ZNF287: variants seen among roughly 807,000 people sequenced by gnomAD.
ZNF287 encodes the protein zinc finger protein 287.
ZNF287 carries 31 observed loss-of-function variants against 73.7 expected under a neutral mutation model. The ratio of observed to expected loss-of-function variants is 0.42; its 90% CI spans 0.32 to 0.57. The LOEUF (loss-of-function observed/expected upper bound fraction) is 0.57. ZNF287 is among the 20% of genes least tolerant of loss of function. The pLI is 0.13. For missense variants in ZNF287, 641 were observed against 909.3 expected (o/e 0.70, Z 3.79); for synonymous variants, 301 against 307.2 (o/e 0.98, Z 0.21).
intron 5 of ZNF287, among the ~76,000 whole-genome samples, chr17:16,561,163 A>G (rs180713488): frequency 6.6e-6 from 1 of 152,028 alleles, no homozygotes; most frequent in African/African-American, 2.4e-5. Context: ...AAAATACAAA[A>G]ACTAGCCGGG....
At chr17:16,559,922 TAATA>T in intron 5 of ZNF287, among the ~76,000 whole-genome samples, 1 of 152,284 alleles carries the variant, frequency 6.6e-6, no homozygotes, top group East Asian at 1.9e-4. Flanking sequence ...AATGGACTGA[TAATA>T]AATACATACA....
rs1265807657 is a variant in ZNF287 at position 16,550,840 on chromosome 17, C to T, written c.*1016G>A. Among the ~76,000 whole-genome samples, 1 of 152,184 alleles carries T rather than the reference C, an allele frequency of 6.6e-6. No homozygotes were observed. Among genetic ancestry groups the T allele is most frequent in the Non-Finnish European group, 1.5e-5 (1 of 68,024 alleles). ...AGGAGTCAGGTGAAAAAAATGGGAA[C>T]TGTATACTTTATACCTACTTTTTTC... is the stretch of plus-strand genomic sequence containing the variant. On this transcript the variant is annotated 3_prime_UTR_variant, in exon 6 of 6. Coordinates refer to ENST00000395825, the MANE Select transcript of ZNF287 (RefSeq NM_020653.4).
chr17:16,567,281 T>C, intron 2 of ZNF287, 48 bp downstream of exon 2: 4 of 1,564,590 alleles, frequency 2.6e-6, no homozygotes, highest in Non-Finnish European at 3.5e-6. Flanking sequence ...CTAGTTGTCT[T>C]CTTTAACCAC....
chr17:16,559,567 GAACT>G (rs1050342745), intron 5 of ZNF287, among the ~76,000 whole-genome samples: 7 of 86,320 alleles, frequency 8.1e-5, no homozygotes. Flanking sequence ...TGACTTAAAA[GAACT>G]AACACACACA....
chr17:16,551,386 ATT>A lies in ZNF287; in HGVS notation c.*468_*469del. 1 of 158,982 alleles carries A rather than the reference ATT, an allele frequency of 6.3e-6. No homozygotes were observed. Among genetic ancestry groups the A allele is most frequent in the Non-Finnish European group, 1.4e-5 (1 of 72,552 alleles). The allele number at this position is 158,982 out of a possible 1,614,324, so 9.8% of individuals were successfully genotyped here. A position where few individuals can be genotyped will look rare whatever the true frequency, so the allele number is the denominator to read the frequency against. Reference sequence around the variant, plus strand: ...ACTGTACAGATCCATTTATACTGGAATTTTTTTTTTCAACTGAACAGAGTTTG... The same window carrying A: ...ACTGTACAGATCCATTTATACTGGAATTTTTTTTCAACTGAACAGAGTTTG... On this transcript the variant is annotated 3_prime_UTR_variant, in exon 6 of 6. Coordinates refer to ENST00000395825, the MANE Select transcript of ZNF287 (RefSeq NM_020653.4).
intron 2 of ZNF287, 28 bp downstream of exon 2, chr17:16,567,300 TC>T: frequency 1.3e-6 from 2 of 1,583,048 alleles, no homozygotes; most frequent in Non-Finnish European, 1.7e-6. Flanking sequence ...ACCCAGGGAT[TC>T]CTCCCCTCTC....
intron 5 of ZNF287, among the ~76,000 whole-genome samples, chr17:16,560,555 G>A (rs555758686): frequency 2.1e-4 from 31 of 151,096 alleles, no homozygotes; most frequent in East Asian, 8.0e-4. Context: ...TCACTGTGTT[G>A]GCCAGGCTGG....
rs1460694094 is a variant in ZNF287, at chr17:16,550,758, G to C, written c.*1098C>G. ...AGACACTCAAGAAACGTGTTTCAGT[G>C]GAAGAAATGAACTTTCCATAGTAAA... is the stretch of plus-strand genomic sequence containing the variant. On this transcript the variant is annotated 3_prime_UTR_variant, in exon 6 of 6. Transcript: ENST00000395825. Among the ~76,000 whole-genome samples, 1 of 152,122 alleles carries C rather than the reference G, an allele frequency of 6.6e-6. No homozygotes were observed. The highest frequency in any genetic ancestry group is 2.4e-5 in the African/African-American group (1 of 41,412).
Position 16,553,037 on chromosome 17 carries a change from T to G in ZNF287, c.1105A>C (p.Lys369Gln), listed in dbSNP as rs1253606173. 2.5e-6 allele frequency: 4 copies of G among 1,614,086 alleles called. No individual in the cohort carries two copies. Among genetic ancestry groups the G allele is most frequent in the Non-Finnish European group, 3.4e-6 (4 of 1,180,026 alleles). Reference sequence around the variant, plus strand: ...AATTTTTTCCCACACACATTACACTTGTAAGGCTTCTCTCCAGGAAGTATT... The same window carrying G: ...AATTTTTTCCCACACACATTACACTGGTAAGGCTTCTCTCCAGGAAGTATT... The part of the protein sequence containing the change: ...RKILPGEKPY[K>Q]CNVCGKKFRK... The change falls in exon 6 of 6, where the codon AAG (lysine) becomes CAG (glutamine). Residue 369 changes from lysine to glutamine, a missense_variant. By Grantham distance (53) the Lys-to-Gln change is moderately conservative (BLOSUM62 1). Around this residue, in one of 2 missense-constraint regions of ZNF287, gnomAD observed 357 missense variants for 442.4 expected, o/e 0.81. Transcript: ENST00000395825.
intron 5 of ZNF287, among the ~76,000 whole-genome samples, chr17:16,562,312 A>C (rs1410638313): frequency 1.3e-5 from 2 of 152,236 alleles, no homozygotes; most frequent in Non-Finnish European, 2.9e-5. Flanking sequence ...TTTTAAGTTA[A>C]AAAAGCAAGG....
Position 16,553,859 on chromosome 17 carries a change from C to G in ZNF287, c.716-433G>C, listed in dbSNP as rs186855953. On this transcript the variant is annotated intron_variant, in intron 5 of 5. Coordinates refer to ENST00000395825, the MANE Select transcript of ZNF287 (RefSeq NM_020653.4). The stretch of plus-strand genomic sequence containing the variant: ...GCAATTTCACTGAGTGCTTTCTATG[C>G]TCAAATATCTCTAGTAAATCTCCCA... 1.8e-4 allele frequency among the ~76,000 whole-genome samples: 27 copies of G among 152,318 alleles called. No homozygotes were observed. In the East Asian group the frequency reaches 5.2e-3, roughly 29 times the overall value.
chr17:16,563,237 T>C lies in ZNF287; in HGVS notation c.629-5A>G. ...TTGGTCTGTACACTGTAAGTCCTGT[T>C]CAGGAGGAATATAAAGAATTTTATC... On this transcript the variant is annotated splice_region_variant and splice_polypyrimidine_tract_variant and intron_variant, in intron 4 of 5. Transcript: ENST00000395825. 6.3e-7 allele frequency: 1 copy of C among 1,594,232 alleles called. No individual in the cohort carries two copies. The highest frequency in any genetic ancestry group is 1.7e-4 in the Middle Eastern group (1 of 5,910).
Position 16,553,105 on chromosome 17 carries a change from C to T in ZNF287, c.1037G>A (p.Arg346Lys). 1 of 1,614,068 alleles carries T rather than the reference C, an allele frequency of 6.2e-7. No individual in the cohort carries two copies. Among genetic ancestry groups the T allele is most frequent in the South Asian group, 1.1e-5 (1 of 91,066 alleles). The stretch of plus-strand genomic sequence containing the variant: ...ATATGAGACATGATTGAAGGTTGCC[C>T]TGCCTTCATTATACACAGAAGTTTT... ...DNKTSVYNEG[R>K]ATFNHVSYGI... Residue 346 changes from arginine (R) to lysine (K), a missense_variant, in exon 6 of 6, where the codon AGG (arginine) becomes AAG (lysine). By Grantham distance (26) the Arg-to-Lys change is conservative (BLOSUM62 2). Coordinates refer to ENST00000395825, the MANE Select transcript of ZNF287 (RefSeq NM_020653.4).
At chr17:16,567,096 T>A (rs1312255957) in intron 2 of ZNF287, among the ~76,000 whole-genome samples, 1 of 152,088 alleles carries the variant, frequency 6.6e-6, no homozygotes, top group Admixed American at 6.5e-5. Context: ...GTTTAGATAA[T>A]GTGTGTTTGC....
At chr17:16,562,200 A>T (rs1303803689) in intron 5 of ZNF287, among the ~76,000 whole-genome samples, 2 of 147,516 alleles carry the variant, frequency 1.4e-5, no homozygotes, top group African/African-American at 4.9e-5. Flanking sequence ...GAAAAAGTCC[A>T]TGAATAAGGA....
chr17:16,552,915 T>A lies in ZNF287; in HGVS notation c.1227A>T (p.Ser409=). 6.2e-7 allele frequency: 1 copy of A among 1,613,972 alleles called. No individual in the cohort carries two copies. Among genetic ancestry groups the A allele is most frequent in the South Asian group, 1.1e-5 (1 of 91,080 alleles). Residue 409 remains serine (S), a synonymous_variant, in exon 6 of 6, where the codon TCA becomes TCT. Coordinates refer to ENST00000395825, the MANE Select transcript of ZNF287 (RefSeq NM_020653.4). This position sits in a 1 kb window ranked among gnomAD's most constrained non-coding sequence, Gnocchi z 6.5. Reference sequence around the variant, plus strand: ...GCATTCTCTGATGTGCAATAAGGGATGAGATATGCCTAAACTCTTTCCCAC... The same window carrying A: ...GCATTCTCTGATGTGCAATAAGGGAAGAGATATGCCTAAACTCTTTCCCAC... ...EECGKEFRHI[S]SLIAHQRMHT... is the part of the protein sequence containing the mutation.
rs16959832 is a variant in ZNF287 at position 16,567,234 on chromosome 17, C to T, written c.403+95G>A. The T allele has an allele frequency of 0.015, 22,083 of 1,484,334 alleles. 2,446 individuals are homozygous for T. The African/African-American group carries it at 0.25, about 17-fold the overall frequency. 91.9% of individuals were successfully genotyped at this position (1,484,334 alleles called of 1,614,324 possible). On this transcript the variant is annotated intron_variant, in intron 2 of 5. Coordinates refer to ENST00000395825, the MANE Select transcript of ZNF287 (RefSeq NM_020653.4). ...AAAATGCATCCTGGACCTCTCAGTG[C>T]TCTCCCTGATTTCTTTAAAGGAGCT...
At chr17:16,568,374 G>C (rs917591198) in intron 1 of ZNF287, among the ~76,000 whole-genome samples, 1 of 152,162 alleles carries the variant, frequency 6.6e-6, no homozygotes, top group South Asian at 2.1e-4. Context: ...TCAGGGGAAA[G>C]GGCGAGCCAT....
Position 16,563,212 on chromosome 17 carries a change from T to G in ZNF287, c.649A>C (p.Thr217Pro), listed in dbSNP as rs1467731379. ...VSLGLTVYRP[T>P]VIPILEEPWM... ...GGTTCTTCCAATATGGGAATCACAG[T>G]TGGTCTGTACACTGTAAGTCCTGTT... Residue 217 changes from threonine (T) to proline (P), a missense_variant, in exon 5 of 6, where the codon ACT becomes CCT. By Grantham distance (38) the Thr-to-Pro change is conservative. This residue lies in a region of ZNF287 where 357 missense variants were observed against 442.4 expected (regional missense o/e 0.81). Coordinates refer to ENST00000395825, the MANE Select transcript of ZNF287 (RefSeq NM_020653.4). 1 of 1,613,626 alleles carries G rather than the reference T, an allele frequency of 6.2e-7. No individual in the cohort carries two copies. Among genetic ancestry groups the G allele is most frequent in the Admixed American group, 1.7e-5 (1 of 60,006 alleles).
Sources: gnomAD v4.1 joint callset for allele counts (sites outside exome capture counted in the v4.1 genomes callset) on GRCh38, gnomAD v4.1.1 for gene constraint, gnomAD v4.1.1 regional missense constraint, Gnocchi (gnomAD v3.1) non-coding constraint, MANE v1.5 for transcripts, NCBI Gene and HGNC (gene_info 2026-07-23, HGNC 2026-07-21) for gene names.